Variants in CLEC17A observed in about 807,000 individuals in gnomAD.
The protein encoded by CLEC17A is C-type lectin domain containing 17A, also known as C-type lectin domain family 17, member A.
Under a neutral mutation model 61.3 loss-of-function variants are expected in CLEC17A, and 37 were observed. The ratio of observed to expected loss-of-function variants is 0.60; its 90% confidence interval spans 0.46 to 0.79. CLEC17A has a LOEUF of 0.79. CLEC17A is among the 30% of genes least tolerant of loss of function. CLEC17A has a pLI of 0.00. For missense variants in CLEC17A, 418 were observed against 464.7 expected, an observed-to-expected ratio of 0.90 and a Z score of 0.92; for synonymous variants, 168 against 164.9, an observed-to-expected ratio of 1.02 and a Z score of -0.14.
intron 3 of CLEC17A, among the ~76,000 whole-genome samples, chr19:14,589,655 G>A (rs2074367143): frequency 1.4e-5 from 2 of 141,194 alleles, no homozygotes; most frequent in South Asian, 2.4e-4. Flanking sequence ...GGGCCTGTAA[G>A]TTCTGCAGAG....
chr19:14,599,260 G>C (rs1461113910), intron 10 of CLEC17A, among the ~76,000 whole-genome samples: 1 of 151,618 alleles, frequency 6.6e-6, no homozygotes, highest in African/African-American at 2.4e-5. Flanking sequence ...ACTAATTTTT[G>C]TATTTTTAGT....
Position 14,587,689 on chromosome 19 carries a change from C to G in CLEC17A, c.197C>G (p.Pro66Arg), listed in dbSNP as rs1444264891. 2.5e-6 allele frequency: 4 copies of G among 1,608,124 alleles called. No homozygotes were observed. Among genetic ancestry groups the G allele is most frequent in the Non-Finnish European group, 3.4e-6 (4 of 1,177,310 alleles). The change falls in exon 3 of 14, where the codon CCA (proline) becomes CGA (arginine). Residue 66 changes from proline (P) to arginine (R), a missense_variant and splice_region_variant. Coordinates refer to ENST00000417570, the MANE Select transcript of CLEC17A (RefSeq NM_001204118.2). ...CCCTACAAGGACCTTCCTCCCAAGC[C>G]AGGTAAGAGGACTTTTTGGAGTGTG... ...TPPYKDLPPK[P>R]GTMEEEEEDD...
At chr19:14,587,397 T>G (rs1328306752) in intron 2 of CLEC17A, among the ~76,000 whole-genome samples, 1 of 152,140 alleles carries the variant, frequency 6.6e-6, no homozygotes, top group Non-Finnish European at 1.5e-5. Flanking sequence ...CCTTGTCATG[T>G]TCCTGGTGTT....
At chr19:14,605,343 G>A (rs150811410) in intron 12 of CLEC17A, among the ~76,000 whole-genome samples, 1 of 151,600 alleles carries the variant, frequency 6.6e-6, no homozygotes, top group Admixed American at 6.6e-5. Flanking sequence ...TGATCCACCT[G>A]TGTTGGCCTC....
chr19:14,595,227 G>A (rs1366550067), intron 7 of CLEC17A, 47 bp from the exon 8 acceptor site: 1 of 1,607,196 alleles, frequency 6.2e-7, no homozygotes, highest in Non-Finnish European at 8.5e-7. Context: ...TTGGAAGACA[G>A]AGTCTTTGGC....
In CLEC17A at chr19:14,597,019, TA is replaced by T; in HGVS notation, c.583+7del. The T allele has an allele frequency of 6.2e-7, 1 of 1,610,184 alleles. No individual in the cohort carries two copies. Among genetic ancestry groups the T allele is most frequent in the Non-Finnish European group, 8.5e-7 (1 of 1,178,252 alleles). On this transcript the variant is annotated splice_region_variant and intron_variant, in intron 9 of 13. Coordinates refer to ENST00000417570, the MANE Select transcript of CLEC17A (RefSeq NM_001204118.2). ...CACTGTGACCCTGATTAAGTGTGAG[TA>T]GGGCCAGGAAGGGACATGGGGAGAG... is the stretch of plus-strand genomic sequence containing the variant.
At chr19:14,602,611 C>A (rs562039781) in intron 12 of CLEC17A, among the ~76,000 whole-genome samples, 1 of 152,100 alleles carries the variant, frequency 6.6e-6, no homozygotes, top group South Asian at 2.1e-4. Flanking sequence ...ATTTTTAGAC[C>A]GTTTACATTT....
At chr19:14,598,549 C>T (rs1173883657) in intron 10 of CLEC17A, among the ~76,000 whole-genome samples, 1 of 152,024 alleles carries the variant, frequency 6.6e-6, no homozygotes, top group African/African-American at 2.4e-5. Context: ...TCTCAGCTCA[C>T]TGCAACCTCC....
chr19:14,602,741 G>GT lies in CLEC17A; in HGVS notation c.894+2571dup, dbSNP rs898066900. On this transcript the variant is annotated intron_variant, in intron 12 of 13. Coordinates refer to ENST00000417570, the MANE Select transcript of CLEC17A (RefSeq NM_001204118.2). ...CATTATTTGTATGAGTAGTTAAACA[G>GT]TTTTTTTTTTTTGAGATGGAGTCTT... Among the ~76,000 whole-genome samples the GT allele has an allele frequency of 4.4e-3, 640 of 144,816 alleles. 1 individual carries two copies. Among genetic ancestry groups the GT allele is most frequent in the African/African-American group, 9.0e-3 (358 of 39,854 alleles).
rs1220942919 is a variant in CLEC17A, at chr19:14,601,687, T to C, written c.894+1505T>C. ...AAGCTGGAGTGCAGTGGTATAATCA[T>C]AGCTCGTTGCAGCCTCAAAGTCCTA... On this transcript the variant is annotated intron_variant, in intron 12 of 13. Transcript: ENST00000417570. Among the ~76,000 whole-genome samples, 5 of 152,140 alleles carry C rather than the reference T, an allele frequency of 3.3e-5. 1 individual carries two copies. Among genetic ancestry groups the C allele is most frequent in the Non-Finnish European group, 7.4e-5 (5 of 68,020 alleles).
At chr19:14,607,260 A>T (rs2074905247) in intron 13 of CLEC17A, among the ~76,000 whole-genome samples, 158 bp downstream of exon 13, 1 of 150,982 alleles carries the variant, frequency 6.6e-6, no homozygotes, top group Admixed American at 6.6e-5. Context: ...GCTGGAGTGC[A>T]GTGGCGCAAT....
intron 3 of CLEC17A, among the ~76,000 whole-genome samples, chr19:14,591,944 G>GTGTGTTT (rs2074429767): frequency 6.6e-6 from 1 of 151,040 alleles, no homozygotes; most frequent in Non-Finnish European, 1.5e-5. Flanking sequence ...GTTTGTGTGA[G>GTGTGTTT]GTCCAGGGGC....
At chr19:14,582,953 G>C (rs946711103), upstream of CLEC17A, 17 of 563,784 alleles carry the variant, frequency 3.0e-5, no homozygotes, top group East Asian at 5.1e-4. Flanking sequence ...TGGGGAGAAA[G>C]GCTCTGTGTG....
chr19:14,606,442 G>T (rs2074873274), intron 12 of CLEC17A, among the ~76,000 whole-genome samples: 1 of 151,888 alleles, frequency 6.6e-6, no homozygotes, highest in Non-Finnish European at 1.5e-5. Flanking sequence ...ACTTTGGGAG[G>T]CTGAGGCAGG....
chr19:14,600,252 C>T, intron 12 of CLEC17A, 70 bp downstream of exon 12: 1 of 1,534,490 alleles, frequency 6.5e-7, no homozygotes, highest in Non-Finnish European at 8.8e-7. Context: ...ATGCACACAT[C>T]CCTCCCTTCC....
intron 10 of CLEC17A, 192 bp from the exon 11 acceptor site, chr19:14,599,525 G>C: frequency 1.5e-6 from 1 of 658,658 alleles, no homozygotes; most frequent in South Asian, 1.6e-5. Context: ...CCCCGGGATT[G>C]ATCCCTCCTC....
chr19:14,600,891 CTTTTTTTTTTTTTTTTT>C (rs71166763), intron 12 of CLEC17A, among the ~76,000 whole-genome samples: 17 of 63,184 alleles, frequency 2.7e-4, no homozygotes, highest in Non-Finnish European at 4.5e-4. Flanking sequence ...GCTCGGCCTT[CTTTTTTTTTTTTTTTTT>C]TTTTTTTTTT....
chr19:14,602,014 G>A (rs111958907), intron 12 of CLEC17A, among the ~76,000 whole-genome samples: 6 of 151,842 alleles, frequency 4.0e-5, no homozygotes, highest in Admixed American at 1.3e-4. Context: ...GGATGGTCTC[G>A]ATCTCCTGAC....
intron 10 of CLEC17A, among the ~76,000 whole-genome samples, chr19:14,598,309 TC>T (rs2074603100): frequency 6.8e-6 from 1 of 147,876 alleles, no homozygotes; most frequent in African/African-American, 2.6e-5. Context: ...TTTCTTTCTC[TC>T]TCTCTCTCTC....
Sources: allele counts gnomAD v4.1 joint callset (sites outside exome capture counted in the v4.1 genomes callset), GRCh38; gene constraint gnomAD v4.1.1; transcripts MANE v1.5; gene names NCBI Gene and HGNC (gene_info 2026-07-23, HGNC 2026-07-21).